PCDH11X: variants seen among roughly 807,000 people sequenced by gnomAD.
PCDH11X encodes the protein protocadherin-11 X-linked.
A neutral mutation model predicts 53.3 loss-of-function variants in PCDH11X; 18 were observed. The ratio of observed to expected loss-of-function variants is 0.34; its 90% CI spans 0.23 to 0.50. The LOEUF is 0.50. PCDH11X is among the 20% of genes least tolerant of loss of function. The pLI is 0.98. For synonymous variants in PCDH11X, 279 were observed against 393.3 expected (o/e 0.71, Z 3.44); for missense variants, 570 against 1,032.4 (o/e 0.55, Z 6.14).
intron 6 of PCDH11X, among the ~76,000 whole-genome samples, chrX:92,089,585 C>A (rs954938165): frequency 9.2e-6 from 1 of 108,752 alleles, no homozygotes; most frequent in Non-Finnish European, 1.9e-5. Context: ...TGCAATGGCA[C>A]AATCTTGGCT....
chrX:92,179,440 A>G (rs1253730778), intron 6 of PCDH11X, among the ~76,000 whole-genome samples: 1 of 111,964 alleles, frequency 8.9e-6, no homozygotes, highest in Non-Finnish European at 1.9e-5. Flanking sequence ...AACCCATTTG[A>G]ATTTCAAAAA....
intron 10 of PCDH11X, among the ~76,000 whole-genome samples, chrX:92,573,180 T>G (rs1391095964): frequency 4.5e-5 from 5 of 111,405 alleles, no homozygotes; most frequent in African/African-American, 1.6e-4. Context: ...CCATGATTTT[T>G]GAGCACTTGG....
intron 8 of PCDH11X, among the ~76,000 whole-genome samples, chrX:92,281,750 A>G (rs1415158747): frequency 9.0e-6 from 1 of 111,667 alleles, no homozygotes; most frequent in African/African-American, 3.2e-5. Context: ...TTTTCAACTC[A>G]TCTAGATTCT....
chrX:92,236,306 T>A (rs996778472), intron 7 of PCDH11X, among the ~76,000 whole-genome samples: 1 of 110,049 alleles, frequency 9.1e-6, no homozygotes, highest in Non-Finnish European at 1.9e-5. Flanking sequence ...GGAAGCAGAT[T>A]TTTTTAATGA....
intron 10 of PCDH11X, among the ~76,000 whole-genome samples, chrX:92,535,251 A>G: frequency 8.9e-6 from 1 of 112,001 alleles, no homozygotes; most frequent in Non-Finnish European, 1.9e-5. Context: ...TATTCACAAT[A>G]CAACGACATG....
chrX:91,873,821 AT>A (rs758994128), intron 5 of PCDH11X, among the ~76,000 whole-genome samples: 12 of 111,764 alleles, frequency 1.1e-4, no homozygotes, highest in Admixed American at 1.9e-4. Flanking sequence ...ATATTATATT[AT>A]CTTTGTTTCT....
intron 6 of PCDH11X, among the ~76,000 whole-genome samples, chrX:92,187,869 C>G (rs1249664389): frequency 8.9e-6 from 1 of 111,858 alleles, no homozygotes; most frequent in Non-Finnish European, 1.9e-5. Flanking sequence ...CATCACAGAC[C>G]TGAAAATCTT....
Position 92,121,521 on chromosome X carries a change from T to G in PCDH11X, c.3034-79854T>G, listed in dbSNP as rs746940741. 2.1e-4 allele frequency among the ~76,000 whole-genome samples: 23 copies of G among 111,450 alleles called. No individual in the cohort carries two copies. In the East Asian group the frequency reaches 5.7e-3, roughly 27 times the overall value. ...ACTCCCATTGAGTAATTTAGGTATT[T>G]GTAAACATATTATGTTGAGTCACTA... On this transcript the variant is annotated intron_variant, in intron 6 of 10. Coordinates refer to ENST00000682573, the MANE Select transcript of PCDH11X (RefSeq NM_032968.5).
chrX:92,575,944 TACAC>T (rs1162998590), intron 10 of PCDH11X, among the ~76,000 whole-genome samples: 6 of 19,904 alleles, frequency 3.0e-4, no homozygotes, highest in Non-Finnish European at 4.1e-4. Flanking sequence ...TATATATATA[TACAC>T]ACACACACAC....
At chrX:92,113,544 C>A in intron 6 of PCDH11X, 1 of 1,199,705 alleles carries the variant, frequency 8.3e-7, no homozygotes. Context: ...CCTTTTGGTC[C>A]ATATCTCCAT....
At chrX:92,580,653 A>G (rs1388909543) in intron 10 of PCDH11X, among the ~76,000 whole-genome samples, 1 of 111,142 alleles carries the variant, frequency 9.0e-6, no homozygotes, top group Non-Finnish European at 1.9e-5. Flanking sequence ...CTGGGATCTC[A>G]GTCATTTAGG....
chrX:92,473,723 A>G (rs775384228), intron 10 of PCDH11X, among the ~76,000 whole-genome samples: 1 of 110,892 alleles, frequency 9.0e-6, no homozygotes, highest in Non-Finnish European at 1.9e-5. Flanking sequence ...ATTCAGCAGC[A>G]TATTGTTTAA....
chrX:91,956,126 T>G, intron 6 of PCDH11X, among the ~76,000 whole-genome samples: 1 of 111,290 alleles, frequency 9.0e-6, no homozygotes, highest in East Asian at 2.8e-4. Context: ...CCTCCATACC[T>G]TTATTTGAGC....
chrX:92,077,622 G>GAGGAAGGAAGGAAGGA (rs768755254), intron 6 of PCDH11X, among the ~76,000 whole-genome samples: 1 of 96,124 alleles, frequency 1.0e-5, no homozygotes, highest in Non-Finnish European at 2.1e-5. Flanking sequence ...GGAAGGAAGG[G>GAGGAAGGAAGGAAGGA]AGGAAGGAAG....
chrX:92,619,418 TTTTG>T lies in PCDH11X; in HGVS notation c.*485_*488del, dbSNP rs1230277862. ...CCTTTTTTTGGGCTTTCTTTTTGAT[TTTTG>T]TTTGTTGTTTTCAGTTTTTTTGTTG... is the stretch of plus-strand genomic sequence containing the variant. On this transcript the variant is annotated 3_prime_UTR_variant, in exon 11 of 11. Coordinates refer to ENST00000682573, the MANE Select transcript of PCDH11X (RefSeq NM_032968.5). 7.2e-6 allele frequency: 1 copy of T among 138,281 alleles called. No individual in the cohort carries two copies. Among genetic ancestry groups the T allele is most frequent in the Non-Finnish European group, 1.4e-5 (1 of 70,979 alleles). The allele number at this position is 138,281 out of a possible 1,213,427, so 11.4% of individuals were successfully genotyped here.
At chrX:91,856,530 C>T (rs1357369684) in intron 5 of PCDH11X, among the ~76,000 whole-genome samples, 4 of 109,133 alleles carry the variant, frequency 3.7e-5, no homozygotes, top group Non-Finnish European at 5.7e-5. Flanking sequence ...AAATGTGTGC[C>T]GTGGTGATTT....
At chrX:91,909,935 G>A (rs1394691081) in intron 6 of PCDH11X, among the ~76,000 whole-genome samples, 1 of 110,981 alleles carries the variant, frequency 9.0e-6, no homozygotes, top group East Asian at 2.8e-4. Context: ...GATTGAGATC[G>A]ACTCTCTTAA....
At chrX:92,199,601 C>A (rs373646553) in intron 6 of PCDH11X, among the ~76,000 whole-genome samples, 8 of 110,471 alleles carry the variant, frequency 7.2e-5, no homozygotes, top group African/African-American at 2.6e-4. Flanking sequence ...ACAGTTAGGT[C>A]TCAGCAGTTC....
At chrX:92,607,844 A>C (rs1926984702) in intron 10 of PCDH11X, among the ~76,000 whole-genome samples, 1 of 111,494 alleles carries the variant, frequency 9.0e-6, no homozygotes, top group Non-Finnish European at 1.9e-5. Flanking sequence ...ACGTATTTTC[A>C]TGCCTGCAAT....
Sources: allele counts gnomAD v4.1 joint callset (sites outside exome capture counted in the v4.1 genomes callset), GRCh38; gene constraint gnomAD v4.1.1; transcripts MANE v1.5; gene names NCBI Gene and HGNC (gene_info 2026-07-23, HGNC 2026-07-21).